EZR: variants seen among roughly 807,000 people sequenced by gnomAD.
The protein encoded by EZR is ezrin, also known as cytovillin 2.
In EZR, 40 loss-of-function variants were observed where a neutral mutation model predicts 74.8. That is an observed-to-expected ratio of 0.53 (90% CI 0.42 to 0.70). EZR has a LOEUF of 0.70. EZR is among the 30% of genes least tolerant of loss of function. The pLI is 0.00. For missense variants in EZR, 678 were observed against 755.8 expected (o/e 0.90, Z 1.21); for synonymous variants, 341 against 283.3 (o/e 1.20, Z -2.05).
At chr6:158,776,701 T>G (rs563213584) in intron 7 of EZR, among the ~76,000 whole-genome samples, 197 bp from the exon 8 acceptor site, 1 of 152,364 alleles carries the variant, frequency 6.6e-6, no homozygotes, top group South Asian at 2.1e-4. Flanking sequence ...CTGCAAGGCA[T>G]CTGCAACCTT....
intron 2 of EZR, among the ~76,000 whole-genome samples, chr6:158,797,064 A>AT (rs1402837369): frequency 6.6e-6 from 1 of 152,232 alleles, no homozygotes; most frequent in African/African-American, 2.4e-5. Context: ...GTAAATAAAT[A>AT]TAGGTATGCA....
At chr6:158,785,195 C>CT in intron 5 of EZR, 114 bp downstream of exon 5, 1 of 1,308,454 alleles carries the variant, frequency 7.6e-7, no homozygotes, top group East Asian at 2.3e-5. Context: ...CATGAAGGAG[C>CT]ACTTGACACT....
intron 12 of EZR, among the ~76,000 whole-genome samples, chr6:158,769,089 A>T (rs757034171): frequency 4.6e-5 from 7 of 152,318 alleles, no homozygotes; most frequent in Non-Finnish European, 1.0e-4. Context: ...CCCTCTATGA[A>T]TCCAGCAGCT....
chr6:158,802,046 T>C (rs1777196876), intron 2 of EZR, among the ~76,000 whole-genome samples: 2 of 152,236 alleles, frequency 1.3e-5, no homozygotes, highest in Admixed American at 6.5e-5. Flanking sequence ...CTGTAGGCAG[T>C]GTCTGTCTAC....
At chr6:158,783,431 T>C (rs1300148203) in intron 7 of EZR, 89 bp downstream of exon 7, 2 of 1,245,616 alleles carry the variant, frequency 1.6e-6, no homozygotes, top group Non-Finnish European at 2.2e-6. Context: ...AAATAAATAC[T>C]TCAAAAATAA....
intron 9 of EZR, 89 bp from the exon 10 acceptor site, chr6:158,770,983 G>A: frequency 6.3e-7 from 1 of 1,582,966 alleles, no homozygotes; most frequent in African/African-American, 1.3e-5. Context: ...TGAAGCTCCA[G>A]GATGGACTTG....
intron 2 of EZR, among the ~76,000 whole-genome samples, chr6:158,804,250 G>A (rs1777279670): frequency 1.3e-5 from 2 of 152,160 alleles, no homozygotes; most frequent in South Asian, 4.2e-4. Context: ...AAGTAAACTG[G>A]AATTCTTAGA....
At chr6:158,781,100 G>A (rs1228311938) in intron 7 of EZR, among the ~76,000 whole-genome samples, 4 of 151,994 alleles carry the variant, frequency 2.6e-5, no homozygotes, top group Non-Finnish European at 5.9e-5. Context: ...AATGTTTCAG[G>A]CATATCTAAT....
At chr6:158,797,867 G>A (rs1777105858) in intron 2 of EZR, among the ~76,000 whole-genome samples, 1 of 152,188 alleles carries the variant, frequency 6.6e-6, no homozygotes, top group South Asian at 2.1e-4. Context: ...CATGGAAAAT[G>A]TATAATTCAG....
chr6:158,794,003 G>A (rs1791809193), intron 2 of EZR, among the ~76,000 whole-genome samples: 1 of 152,184 alleles, frequency 6.6e-6, no homozygotes, highest in African/African-American at 2.4e-5. Context: ...GGGGCCACAT[G>A]CAGTGGTTCA....
chr6:158,768,660 C>A (rs555692947), intron 12 of EZR, among the ~76,000 whole-genome samples: 1 of 152,166 alleles, frequency 6.6e-6, no homozygotes, highest in Non-Finnish European at 1.5e-5. Context: ...GGATCCCAGA[C>A]GGAGCGACAA....
At chr6:158,769,458 C>G (rs1791026634) in intron 11 of EZR, 40 bp from the exon 12 acceptor site, 1 of 1,582,110 alleles carries the variant, frequency 6.3e-7, no homozygotes, top group Non-Finnish European at 8.6e-7. Context: ...TTCTGATATC[C>G]TTTCAACGGA....
chr6:158,767,601 G>A, intron 12 of EZR, 89 bp from the exon 13 acceptor site: 2 of 1,366,168 alleles, frequency 1.5e-6, no homozygotes, highest in Non-Finnish European at 2.0e-6. Flanking sequence ...CCTCTGTCCT[G>A]GCAGGCTAAG....
In EZR at chr6:158,766,716, T is replaced by A. The variant is rs1349787229; in HGVS notation, c.*198A>T. ...AATAATCGCGAGAATCAGGCCTGCT[T>A]GGCACTATTACAACTGGGGAAAACA... On this transcript the variant is annotated 3_prime_UTR_variant, in exon 14 of 14. Coordinates refer to ENST00000367075, the MANE Select transcript of EZR (RefSeq NM_001111077.2). The A allele has an allele frequency of 1.6e-6, 1 of 619,342 alleles. No homozygotes were observed. The highest frequency in any genetic ancestry group is 1.8e-5 in the African/African-American group (1 of 54,570). The allele number at this position is 619,342 out of a possible 1,614,324, so 38.4% of individuals were successfully genotyped here. A position where few individuals can be genotyped will look rare whatever the true frequency, so the allele number is the denominator to read the frequency against.
At chr6:158,818,002 G>A in intron 2 of EZR, 80 bp downstream of exon 2, 3 of 1,445,324 alleles carry the variant, frequency 2.1e-6, no homozygotes, top group Non-Finnish European at 2.9e-6. Flanking sequence ...CCCAGGAACT[G>A]CCCCAACACC....
At position 158,769,109 on chromosome 6, in the gene EZR, C is replaced by T. The variant is rs150820308; in HGVS notation, c.1344+217G>A. ...TATGAATCCAGCAGCTGCACTGACT[C>T]GTGTACAAAGTCAAACCCATCTCTT... On this transcript the variant is annotated intron_variant, in intron 12 of 13. Transcript: ENST00000367075. Among the ~76,000 whole-genome samples the T allele has an allele frequency of 1.5e-3, 230 of 152,304 alleles. 2 individuals are homozygous for T. The highest frequency in any genetic ancestry group is 2.6e-3 in the Non-Finnish European group (176 of 68,020).
At chr6:158,778,974 G>A (rs1791354420) in intron 7 of EZR, among the ~76,000 whole-genome samples, 1 of 152,080 alleles carries the variant, frequency 6.6e-6, no homozygotes, top group Admixed American at 6.6e-5. Flanking sequence ...TCTCATCAAT[G>A]GTAGCTAGAA....
intron 2 of EZR, among the ~76,000 whole-genome samples, chr6:158,801,484 T>C (rs896560035): frequency 3.3e-5 from 5 of 152,238 alleles, no homozygotes; most frequent in Admixed American, 1.3e-4. Context: ...TTGTAAAAAG[T>C]GCACAGAATT....
Position 158,771,292 on chromosome 6 carries a change from T to C in EZR, c.911A>G (p.Gln304Arg). The change falls in exon 9 of 14, where the codon CAG becomes CGG. Residue 304 changes from glutamine to arginine, a missense_variant. Physicochemically the swap from Gln to Arg is conservative, Grantham distance 43. This residue lies in a region of EZR where 119 missense variants were observed against 182.3 expected (regional missense o/e 0.65). Transcript: ENST00000367075. Reference sequence around the variant, plus strand: ...CTCCTCCCGGGCCTGGGCCTTCATCTGCTGCACCTCGATGGTGTCAGGCTT... The same window carrying C: ...CTCCTCCCGGGCCTGGGCCTTCATCCGCTGCACCTCGATGGTGTCAGGCTT... ...RRKPDTIEVQ[Q>R]MKAQAREEKH... The C allele has an allele frequency of 1.9e-6, 3 of 1,614,150 alleles. No individual in the cohort carries two copies. Among genetic ancestry groups the C allele is most frequent in the Non-Finnish European group, 2.5e-6 (3 of 1,179,998 alleles).
Sources: gnomAD v4.1 joint callset for allele counts (sites outside exome capture counted in the v4.1 genomes callset) on GRCh38, gnomAD v4.1.1 for gene constraint, gnomAD v4.1.1 regional missense constraint, MANE v1.5 for transcripts, NCBI Gene and HGNC (gene_info 2026-07-23, HGNC 2026-07-21) for gene names.